The following EDC4 variants were observed in gnomAD, a reference collection of about 807,000 sequenced individuals.
EDC4 encodes the protein enhancer of mRNA-decapping protein 4.
In EDC4, 64 loss-of-function variants were observed where a neutral mutation model predicts 155.8. The observed-to-expected ratio is 0.41, with a 90% CI of 0.34 to 0.51. The LOEUF is 0.51. Among genes scored for constraint, EDC4 ranks in the 20% least tolerant of loss-of-function variants. The pLI, the probability that EDC4 is intolerant of heterozygous loss-of-function variation, is 0.19. For synonymous variants in EDC4, 684 were observed against 716.8 expected (o/e 0.95, Z 0.73); for missense variants, 1,303 against 1,812.5 (o/e 0.72, Z 5.10).
At position 67,882,768 on chromosome 16, in the gene EDC4, G is replaced by C; in HGVS notation, c.3532G>C (p.Val1178Leu). ...EPVLAQLRGL[V>L]STLQSATEQM... Reference sequence around the variant, plus strand: ...TGTGCTAGCCCAGCTGCGGGGCCTGGTCAGCACACTGCAGAGTGCCACTGA... The same window carrying C: ...TGTGCTAGCCCAGCTGCGGGGCCTGCTCAGCACACTGCAGAGTGCCACTGA... Residue 1178 changes from valine to leucine, a missense_variant, in exon 26 of 29, where the codon GTC (valine) becomes CTC (leucine). By Grantham distance (32) the Val-to-Leu change is conservative. Around this residue, in one of 5 missense-constraint regions of EDC4, gnomAD observed 527 missense variants for 757.0 expected, o/e 0.70. Coordinates refer to ENST00000358933, the MANE Select transcript of EDC4 (RefSeq NM_014329.5). The surrounding 1 kb of genome is among the most constrained non-coding windows in gnomAD (Gnocchi z 7.2). The C allele has an allele frequency of 6.2e-7, 1 of 1,614,234 alleles. No individual in the cohort carries two copies. Among genetic ancestry groups the C allele is most frequent in the Non-Finnish European group, 8.5e-7 (1 of 1,180,050 alleles).
rs763102344 is a variant in EDC4 at position 67,882,069 on chromosome 16, G to A, written c.3120G>A (p.Glu1040=). 2 of 1,613,590 alleles carry A rather than the reference G, an allele frequency of 1.2e-6. No homozygotes were observed. Among genetic ancestry groups the A allele is most frequent in the Non-Finnish European group, 1.7e-6 (2 of 1,179,914 alleles). ...ALSSAVAGRL[E]RSIRDEIKKT... ...CGTCAGCTGTAGCTGGGCGGCTAGA[G>A]CGCAGCATACGGGATGAGATCAAGA... is the stretch of plus-strand genomic sequence containing the variant. Residue 1040 remains glutamate, a synonymous_variant, in exon 23 of 29, where the codon GAG becomes GAA. Transcript: ENST00000358933. This position sits in a 1 kb window ranked among gnomAD's most constrained non-coding sequence, Gnocchi z 7.2.
rs963594675 is a variant in EDC4, at chr16:67,875,698, G to A, written c.83-247G>A. The A allele has an allele frequency of 4.5e-5, 59 of 1,300,310 alleles. No homozygotes were observed. In the Admixed American group the frequency reaches 5.9e-4, roughly 13 times the overall value. The allele number at this position is 1,300,310 out of a possible 1,614,324, so 80.5% of individuals were successfully genotyped here. On this transcript the variant is annotated intron_variant, in intron 1 of 28. Coordinates refer to ENST00000358933, the MANE Select transcript of EDC4 (RefSeq NM_014329.5). ...AGTGACCCAGACCTGAGTATTCACT[G>A]CCCTCAAAGGGTCCTTGATGGCTTG...
rs756237923 is a variant in EDC4 at position 67,881,767 on chromosome 16, T to G, written c.2926T>G (p.Cys976Gly). Reference protein sequence around the residue: ...HSQEELLQRLCTQLEGLQSTV... With the variant: ...HSQEELLQRLGTQLEGLQSTV... ...CCAGGAAGAGCTGCTGCAGCGTCTGTGTACCCAACTCGAAGGCCTGCAGAG... is the reference window on the plus strand; with the variant it reads ...CCAGGAAGAGCTGCTGCAGCGTCTGGGTACCCAACTCGAAGGCCTGCAGAG... Residue 976 changes from cysteine to glycine, a missense_variant, in exon 22 of 29, where the codon TGT (cysteine) becomes GGT (glycine). Physicochemically the swap from Cys to Gly is radical, Grantham distance 159. Around this residue, in one of 5 missense-constraint regions of EDC4, gnomAD observed 527 missense variants for 757.0 expected, o/e 0.70. Coordinates refer to ENST00000358933, the MANE Select transcript of EDC4 (RefSeq NM_014329.5). This position sits in a 1 kb window ranked among gnomAD's most constrained non-coding sequence, Gnocchi z 5.4. The G allele has an allele frequency of 6.2e-7, 1 of 1,614,094 alleles. No homozygotes were observed. Among genetic ancestry groups the G allele is most frequent in the Non-Finnish European group, 8.5e-7 (1 of 1,180,000 alleles).
chr16:67,873,071 C>CGTT lies in EDC4; in HGVS notation c.-190_-189insTTG. On this transcript the variant is annotated 5_prime_UTR_variant, in exon 1 of 29. Transcript: ENST00000358933. Reference sequence around the variant, plus strand: ...TCCGGGAGCCTCGGCTCGTGGGTGCCGGAAGTGGAGGCGGTTGGTGGGGTT... The same window carrying CGTT: ...TCCGGGAGCCTCGGCTCGTGGGTGCCGTTGGAAGTGGAGGCGGTTGGTGGGGTT... The CGTT allele has an allele frequency of 6.9e-6, 3 of 435,998 alleles. No individual in the cohort carries two copies. Among genetic ancestry groups the CGTT allele is most frequent in the Non-Finnish European group, 1.2e-5 (3 of 250,384 alleles). The allele number at this position is 435,998 out of a possible 1,614,324, so 27.0% of individuals were successfully genotyped here.
chr16:67,880,922 T>C lies in EDC4; in HGVS notation c.2463T>C (p.Thr821=). ...CAGCCTTGACCCAGGAGGCCTCGAC[T>C]CCTGACAGTCAGGTTTGGCCCACAG... is the stretch of plus-strand genomic sequence containing the variant. The part of the protein sequence containing the change: ...LEAALTQEAS[T]PDSQVWPTAP... The change falls in exon 18 of 29, where the codon ACT becomes ACC. Residue 821 remains threonine, a synonymous_variant. Transcript: ENST00000358933. This position sits in a 1 kb window ranked among gnomAD's most constrained non-coding sequence, Gnocchi z 5.2. The C allele has an allele frequency of 6.2e-7, 1 of 1,613,900 alleles. No individual in the cohort carries two copies. The highest frequency in any genetic ancestry group is 8.5e-7 in the Non-Finnish European group (1 of 1,179,964).
Position 67,876,899 on chromosome 16 carries a change from T to C in EDC4, c.378T>C (p.Tyr126=). 6.2e-7 allele frequency: 1 copy of C among 1,614,230 alleles called. No homozygotes were observed. Among genetic ancestry groups the C allele is most frequent in the South Asian group, 1.1e-5 (1 of 91,084 alleles). The change falls in exon 4 of 29, where the codon TAT becomes TAC. Residue 126 remains tyrosine (Y), a synonymous_variant. Coordinates refer to ENST00000358933, the MANE Select transcript of EDC4 (RefSeq NM_014329.5). The surrounding 1 kb of genome is among the most constrained non-coding windows in gnomAD (Gnocchi z 5.8). ...TGAAAATTCAGCCTGTCGCCAAGTA[T>C]GACTGGGAACAGAAGTACTACTATG... ...NKVKIQPVAK[Y]DWEQKYYYGN...
rs2058049017 is a variant in EDC4 at position 67,877,986 on chromosome 16, G to A, written c.894+141G>A. 1 of 1,491,404 alleles carries A rather than the reference G, an allele frequency of 6.7e-7. No individual in the cohort carries two copies. The highest frequency in any genetic ancestry group is 1.4e-5 in the African/African-American group (1 of 71,894). 92.4% of individuals were successfully genotyped at this position (1,491,404 alleles called of 1,614,324 possible). A position where few individuals can be genotyped will look rare whatever the true frequency, so the allele number is the denominator to read the frequency against. ...TGAGCTCAAATTGGCCCTCACCTGT[G>A]CAGCTTTCTCCTTATCTAGCAGCAC... On this transcript the variant is annotated intron_variant, in intron 7 of 28. Coordinates refer to ENST00000358933, the MANE Select transcript of EDC4 (RefSeq NM_014329.5). The surrounding 1 kb of genome is among the most constrained non-coding windows in gnomAD (Gnocchi z 4.9).
chr16:67,880,495 C>A lies in EDC4; in HGVS notation c.2098-62C>A. The A allele has an allele frequency of 6.3e-7, 1 of 1,577,386 alleles. No homozygotes were observed. Among genetic ancestry groups the A allele is most frequent in the Non-Finnish European group, 8.6e-7 (1 of 1,157,550 alleles). ...TACTGCTAATACTAATGCCTCGTCT[C>A]TGTGCCCCCCATCTCTGCCTCACTT... On this transcript the variant is annotated intron_variant, in intron 17 of 28. Coordinates refer to ENST00000358933, the MANE Select transcript of EDC4 (RefSeq NM_014329.5). The surrounding 1 kb of genome is among the most constrained non-coding windows in gnomAD (Gnocchi z 5.2).
Position 67,878,288 on chromosome 16 carries a change from C to G in EDC4, c.1004+13C>G, listed in dbSNP as rs367799836. ...AAGATGAGCCAAGGTAAGGCAGGGC[C>G]TCAGGGACCAGGATCCTCCCGAGGT... is the stretch of plus-strand genomic sequence containing the variant. On this transcript the variant is annotated intron_variant, in intron 8 of 28. Coordinates refer to ENST00000358933, the MANE Select transcript of EDC4 (RefSeq NM_014329.5). The surrounding 1 kb of genome is among the most constrained non-coding windows in gnomAD (Gnocchi z 5.2). The G allele has an allele frequency of 3.2e-5, 51 of 1,614,062 alleles. No individual in the cohort carries two copies. Among genetic ancestry groups the G allele is most frequent in the Non-Finnish European group, 4.2e-5 (49 of 1,180,054 alleles).
Position 67,880,624 on chromosome 16 carries a change from C to A in EDC4, c.2165C>A (p.Ala722Asp). 1 of 1,614,186 alleles carries A rather than the reference C, an allele frequency of 6.2e-7. No homozygotes were observed. The highest frequency in any genetic ancestry group is 8.5e-7 in the Non-Finnish European group (1 of 1,180,036). ...GTGGAGCCCCTGGGGCTACCCCAAGCCTCCCCTAGCCGCACTCGTTCCCCT... is the reference window on the plus strand; with the variant it reads ...GTGGAGCCCCTGGGGCTACCCCAAGACTCCCCTAGCCGCACTCGTTCCCCT... Reference protein sequence around the residue: ...QEVEPLGLPQASPSRTRSPDV... With the variant: ...QEVEPLGLPQDSPSRTRSPDV... Residue 722 changes from alanine (A) to aspartate (D), a missense_variant, in exon 18 of 29, where the codon GCC becomes GAC. This residue lies in a region of EDC4 where 391 missense variants were observed against 445.4 expected (regional missense o/e 0.88). Coordinates refer to ENST00000358933, the MANE Select transcript of EDC4 (RefSeq NM_014329.5). The surrounding 1 kb of genome is among the most constrained non-coding windows in gnomAD (Gnocchi z 5.2).
Position 67,873,195 on chromosome 16 carries a change from G to A in EDC4, c.-67G>A. On this transcript the variant is annotated 5_prime_UTR_variant, in exon 1 of 29. Coordinates refer to ENST00000358933, the MANE Select transcript of EDC4 (RefSeq NM_014329.5). ...CTGTCTCGCCCCGTGGCGGGTGAGC[G>A]AGGGTGCGTGGTGCGCGGCGGCGGC... 1 of 1,222,684 alleles carries A rather than the reference G, an allele frequency of 8.2e-7. No homozygotes were observed. Among genetic ancestry groups the A allele is most frequent in the Non-Finnish European group, 1.1e-6 (1 of 939,388 alleles). 75.7% of individuals were successfully genotyped at this position (1,222,684 alleles called of 1,614,324 possible). A position where few individuals can be genotyped will look rare whatever the true frequency, so the allele number is the denominator to read the frequency against.
chr16:67,877,824 T>C lies in EDC4; in HGVS notation c.873T>C (p.Ile291=). 1 of 1,614,118 alleles carries C rather than the reference T, an allele frequency of 6.2e-7. No individual in the cohort carries two copies. Among genetic ancestry groups the C allele is most frequent in the Non-Finnish European group, 8.5e-7 (1 of 1,180,032 alleles). The change falls in exon 7 of 29, where the codon ATT becomes ATC. Residue 291 remains isoleucine, a synonymous_variant. Transcript: ENST00000358933. The surrounding 1 kb of genome is among the most constrained non-coding windows in gnomAD (Gnocchi z 4.9). ...VDVSQIKQGF[I]VVKGHSTCLS... is the part of the protein sequence containing the mutation. ...TTAGCCAGATCAAGCAGGGCTTCAT[T>C]GTGGTAAAAGGTCATAGCACGGTAA...
rs1219666242 is a variant in EDC4 at position 67,876,545 on chromosome 16, G to A, written c.297G>A (p.Glu99=). 2 of 1,614,190 alleles carry A rather than the reference G, an allele frequency of 1.2e-6. No homozygotes were observed. Among genetic ancestry groups the A allele is most frequent in the Non-Finnish European group, 1.7e-6 (2 of 1,180,046 alleles). The change falls in exon 3 of 29, where the codon GAG becomes GAA. Residue 99 remains glutamate, a synonymous_variant. Transcript: ENST00000358933. The surrounding 1 kb of genome is among the most constrained non-coding windows in gnomAD (Gnocchi z 5.8). ...TCIGILAKEV[E]IVASSDSSIS... The stretch of plus-strand genomic sequence containing the variant: ...TTGGGATTTTGGCCAAGGAGGTGGA[G>A]ATTGTGGCTAGCAGTGACTCTAGCA...
Position 67,873,125 on chromosome 16 carries a change from G to C in EDC4, c.-137G>C. 1 of 587,860 alleles carries C rather than the reference G, an allele frequency of 1.7e-6. No individual in the cohort carries two copies. The highest frequency in any genetic ancestry group is 2.6e-6 in the Non-Finnish European group (1 of 381,468). The allele number at this position is 587,860 out of a possible 1,614,324, so 36.4% of individuals were successfully genotyped here. On this transcript the variant is annotated 5_prime_UTR_variant, in exon 1 of 29. Coordinates refer to ENST00000358933, the MANE Select transcript of EDC4 (RefSeq NM_014329.5). Reference sequence around the variant, plus strand: ...GGGGCTCAGCGACGCTGCGCGGGTGGCGGTTTGCGAACTGCGGGTGGACTG... The same window carrying C: ...GGGGCTCAGCGACGCTGCGCGGGTGCCGGTTTGCGAACTGCGGGTGGACTG...
chr16:67,876,252 G>C lies in EDC4; in HGVS notation c.239+151G>C, dbSNP rs1205703346. Reference sequence around the variant, plus strand: ...GGAGCTTGAGCTTGCACTAGGATGAGAGGCAAGGACAAGCTCAGGGGTTTG... The same window carrying C: ...GGAGCTTGAGCTTGCACTAGGATGACAGGCAAGGACAAGCTCAGGGGTTTG... On this transcript the variant is annotated intron_variant, in intron 2 of 28. Coordinates refer to ENST00000358933, the MANE Select transcript of EDC4 (RefSeq NM_014329.5). The surrounding 1 kb of genome is among the most constrained non-coding windows in gnomAD (Gnocchi z 5.8). 11 of 1,115,720 alleles carry C rather than the reference G, an allele frequency of 9.9e-6. No individual in the cohort carries two copies. The East Asian group carries it at 2.3e-4, about 23-fold the overall frequency. The allele number at this position is 1,115,720 out of a possible 1,614,324, so 69.1% of individuals were successfully genotyped here. A position where few individuals can be genotyped will look rare whatever the true frequency, so the allele number is the denominator to read the frequency against.
chr16:67,876,119 G>A lies in EDC4; in HGVS notation c.239+18G>A, dbSNP rs748387727. On this transcript the variant is annotated intron_variant, in intron 2 of 28. Coordinates refer to ENST00000358933, the MANE Select transcript of EDC4 (RefSeq NM_014329.5). The surrounding 1 kb of genome is among the most constrained non-coding windows in gnomAD (Gnocchi z 5.8). ...CAGGTCATGTGAGTACCTAGGAGAC[G>A]ACAATAGTGGTGATGGTGTATTTGG... is the stretch of plus-strand genomic sequence containing the variant. 26 of 1,610,980 alleles carry A rather than the reference G, an allele frequency of 1.6e-5. No individual in the cohort carries two copies. The highest frequency in any genetic ancestry group is 6.7e-5 in the African/African-American group (5 of 74,882).
chr16:67,884,236 C>CCTG lies in EDC4; in HGVS notation c.*91_*93dup. 1 of 1,246,604 alleles carries CCTG rather than the reference C, an allele frequency of 8.0e-7. No homozygotes were observed. Among genetic ancestry groups the CCTG allele is most frequent in the African/African-American group, 1.5e-5 (1 of 66,294 alleles). 77.2% of individuals were successfully genotyped at this position (1,246,604 alleles called of 1,614,324 possible). ...GGGGCAGGGTCACGGCTGGCCTTTA[C>CCTG]CTGCTCAGGCCCCCATCTCTGGGGT... is the stretch of plus-strand genomic sequence containing the variant. On this transcript the variant is annotated 3_prime_UTR_variant, in exon 29 of 29. Transcript: ENST00000358933. The surrounding 1 kb of genome is among the most constrained non-coding windows in gnomAD (Gnocchi z 4.1).
chr16:67,880,297 C>G lies in EDC4; in HGVS notation c.2097+81C>G. The G allele has an allele frequency of 6.6e-7, 1 of 1,504,062 alleles. No homozygotes were observed. The highest frequency in any genetic ancestry group is 2.3e-5 in the East Asian group (1 of 44,014). The allele number at this position is 1,504,062 out of a possible 1,614,324, so 93.2% of individuals were successfully genotyped here. Reference sequence around the variant, plus strand: ...AGGTGGGTGGTGGGCTCCTCCCAGCCCCCTGCTGCTGATCCTGCTCTACCC... The same window carrying G: ...AGGTGGGTGGTGGGCTCCTCCCAGCGCCCTGCTGCTGATCCTGCTCTACCC... On this transcript the variant is annotated intron_variant, in intron 17 of 28. Transcript: ENST00000358933. This position sits in a 1 kb window ranked among gnomAD's most constrained non-coding sequence, Gnocchi z 5.2.
intron 1 of EDC4, among the ~76,000 whole-genome samples, chr16:67,874,438 A>C (rs1598174462): frequency 6.6e-6 from 1 of 152,124 alleles, no homozygotes; most frequent in South Asian, 2.1e-4. Flanking sequence ...GCCTGAGACC[A>C]CTCGGCCCTT....
Sources: gnomAD v4.1 joint callset for allele counts (sites outside exome capture counted in the v4.1 genomes callset) on GRCh38, gnomAD v4.1.1 for gene constraint, gnomAD v4.1.1 regional missense constraint, Gnocchi (gnomAD v3.1) non-coding constraint, MANE v1.5 for transcripts, NCBI Gene and HGNC (gene_info 2026-07-23, HGNC 2026-07-21) for gene names.